Variants in TRPS1 observed in about 807,000 individuals in gnomAD.
TRPS1 encodes the protein zinc finger transcription factor Trps1.
A neutral mutation model predicts 101.2 loss-of-function variants in TRPS1; 6 were observed. The ratio of observed to expected loss-of-function variants is 0.06; its 90% CI spans 0.03 to 0.12. The LOEUF is 0.12. Ranked by LOEUF, TRPS1 falls within the 10% of genes least tolerant of loss-of-function variation. The pLI is 1.00. For missense variants in TRPS1, 1,363 were observed against 1,567.0 expected, an observed-to-expected ratio of 0.87 and a Z score of 2.20; for synonymous variants, 578 against 589.8, an observed-to-expected ratio of 0.98 and a Z score of 0.29.
At chr8:115,466,846 T>A (rs1224086736) in intron 5 of TRPS1, among the ~76,000 whole-genome samples, 3 of 152,160 alleles carry the variant, frequency 2.0e-5, no homozygotes, top group African/African-American at 7.2e-5. Flanking sequence ...CTCCCAACTT[T>A]AATTTCCTTT....
At chr8:115,665,467 G>T (rs995558203) in intron 1 of TRPS1, among the ~76,000 whole-genome samples, 2 of 152,136 alleles carry the variant, frequency 1.3e-5, no homozygotes, top group African/African-American at 4.8e-5. Context: ...TGTTTTAAAG[G>T]TCTTCCTTAT....
Position 115,668,963 on chromosome 8 carries a change from C to A in TRPS1, c.-540G>T. 6.6e-6 allele frequency: 1 copy of A among 152,322 alleles called. No homozygotes were observed. Among genetic ancestry groups the A allele is most frequent in the South Asian group, 1.9e-4 (1 of 5,358 alleles). 9.4% of individuals were successfully genotyped at this position (152,322 alleles called of 1,614,324 possible). A position where few individuals can be genotyped will look rare whatever the true frequency, so the allele number is the denominator to read the frequency against. On this transcript the variant is annotated 5_prime_UTR_variant, in exon 1 of 7. Coordinates refer to ENST00000395715, the MANE Select transcript of TRPS1 (RefSeq NM_014112.5). ...TGTTATCGCTTGTCAGGACCTCAGT[C>A]TCCGCGCATTACGTCAGTTTCAAGA... is the stretch of plus-strand genomic sequence containing the variant.
chr8:115,448,555 C>T (rs914482784), intron 5 of TRPS1, among the ~76,000 whole-genome samples: 8 of 152,104 alleles, frequency 5.3e-5, no homozygotes, highest in African/African-American at 1.9e-4. Context: ...ACGCAGGCCA[C>T]AGAAGGGTTC....
chr8:115,592,981 A>G (rs1045990509), intron 4 of TRPS1, among the ~76,000 whole-genome samples: 3 of 151,946 alleles, frequency 2.0e-5, no homozygotes, highest in South Asian at 4.2e-4. Flanking sequence ...AACATTCCCA[A>G]ATAAATTTTT....
intron 1 of TRPS1, among the ~76,000 whole-genome samples, chr8:115,633,421 A>G (rs1231236051): frequency 6.6e-6 from 1 of 152,124 alleles, no homozygotes; most frequent in Non-Finnish European, 1.5e-5. Flanking sequence ...ATCTGTAGAT[A>G]TTAAATGTTC....
chr8:115,536,765 G>A (rs1174521293), intron 5 of TRPS1, among the ~76,000 whole-genome samples: 2 of 150,540 alleles, frequency 1.3e-5, no homozygotes, highest in East Asian at 3.9e-4. Context: ...ACTTCAGTGA[G>A]TACTTACTAA....
chr8:115,437,995 A>C (rs963090933), intron 5 of TRPS1, among the ~76,000 whole-genome samples: 1 of 152,242 alleles, frequency 6.6e-6, no homozygotes, highest in Non-Finnish European at 1.5e-5. Context: ...GAGGTTATTA[A>C]GGCTAAAATA....
rs1285825983 is a variant in TRPS1, at chr8:115,477,742, T to C, written c.2701-59290A>G. ...TGTATCCTTAGTTGGCTACATCACATAGGAAACACTCAAAAAGACAACAGG... is the reference window on the plus strand; with the variant it reads ...TGTATCCTTAGTTGGCTACATCACACAGGAAACACTCAAAAAGACAACAGG... On this transcript the variant is annotated intron_variant, in intron 5 of 6. Coordinates refer to ENST00000395715, the MANE Select transcript of TRPS1 (RefSeq NM_014112.5). Among the ~76,000 whole-genome samples, 5 of 152,268 alleles carry C rather than the reference T, an allele frequency of 3.3e-5. No individual in the cohort carries two copies. The East Asian group carries it at 5.8e-4, about 18-fold the overall frequency.
chr8:115,607,316 A>G (rs886791833), intron 3 of TRPS1, among the ~76,000 whole-genome samples: 3 of 152,148 alleles, frequency 2.0e-5, no homozygotes, highest in Admixed American at 1.3e-4. Flanking sequence ...AGGGACTACG[A>G]AAGAAGGCAA....
At position 115,411,774 on chromosome 8, in the gene TRPS1, T is replaced by C. The variant is rs1426622379; in HGVS notation, c.*2249A>G. The stretch of plus-strand genomic sequence containing the variant: ...AAGCAGAGGACTTAGTCCTGATTTC[T>C]GTCTCTTGCTTTCTCTTTTCTCTTT... On this transcript the variant is annotated 3_prime_UTR_variant, in exon 7 of 7. Coordinates refer to ENST00000395715, the MANE Select transcript of TRPS1 (RefSeq NM_014112.5). The C allele has an allele frequency of 6.6e-6, 1 of 152,310 alleles. No homozygotes were observed. Among genetic ancestry groups the C allele is most frequent in the Non-Finnish European group, 1.5e-5 (1 of 67,994 alleles). The allele number at this position is 152,310 out of a possible 1,614,324, so 9.4% of individuals were successfully genotyped here.
At chr8:115,613,744 TACAC>T (rs1205142394) in intron 3 of TRPS1, among the ~76,000 whole-genome samples, 2 of 152,202 alleles carry the variant, frequency 1.3e-5, no homozygotes, top group Non-Finnish European at 2.9e-5. Context: ...GAGCTCCACA[TACAC>T]ACATAAGAAC....
At chr8:115,648,800 C>T (rs997830995) in intron 1 of TRPS1, among the ~76,000 whole-genome samples, 1 of 152,096 alleles carries the variant, frequency 6.6e-6, no homozygotes, top group Non-Finnish European at 1.5e-5. Context: ...TGGATAATAA[C>T]TGATGAAAGT....
chr8:115,612,057 G>A, intron 3 of TRPS1, among the ~76,000 whole-genome samples: 1 of 151,232 alleles, frequency 6.6e-6, no homozygotes, highest in East Asian at 1.9e-4. Flanking sequence ...AGAAAGAAAG[G>A]AAGGTGAGAG....
intron 6 of TRPS1, among the ~76,000 whole-genome samples, chr8:115,415,427 T>A (rs926439235): frequency 1.3e-5 from 2 of 152,174 alleles, no homozygotes; most frequent in Admixed American, 1.3e-4. Context: ...TTTCTGAAAT[T>A]TTTTTTCAAT....
intron 5 of TRPS1, among the ~76,000 whole-genome samples, chr8:115,504,929 G>A (rs1270212713): frequency 3.3e-5 from 5 of 152,094 alleles, no homozygotes; most frequent in Non-Finnish European, 7.4e-5. Context: ...TTAATGCACA[G>A]CAGCTGTGGA....
chr8:115,611,224 C>T (rs1347351318), intron 3 of TRPS1, among the ~76,000 whole-genome samples: 3 of 151,950 alleles, frequency 2.0e-5, no homozygotes, highest in Non-Finnish European at 4.4e-5. Flanking sequence ...TAAGTGAATT[C>T]CCCATAGCAC....
intron 5 of TRPS1, among the ~76,000 whole-genome samples, chr8:115,583,147 A>G (rs1353086997): frequency 1.3e-5 from 2 of 152,230 alleles, no homozygotes; most frequent in African/African-American, 4.8e-5. Flanking sequence ...GGAATATCCA[A>G]TCTAAAAATT....
At chr8:115,445,914 T>C (rs1324957835) in intron 5 of TRPS1, among the ~76,000 whole-genome samples, 5 of 152,196 alleles carry the variant, frequency 3.3e-5, no homozygotes, top group Non-Finnish European at 7.4e-5. Flanking sequence ...GACACATTTA[T>C]AGAAGTATAC....
At chr8:115,568,018 C>A (rs988131891) in intron 5 of TRPS1, among the ~76,000 whole-genome samples, 1 of 152,038 alleles carries the variant, frequency 6.6e-6, no homozygotes, top group African/African-American at 2.4e-5. Context: ...TACCTTAGTG[C>A]CATCAATAAA....
Sources: gnomAD v4.1 joint callset for allele counts (sites outside exome capture counted in the v4.1 genomes callset) on GRCh38, gnomAD v4.1.1 for gene constraint, MANE v1.5 for transcripts, NCBI Gene and HGNC (gene_info 2026-07-23, HGNC 2026-07-21) for gene names.